Variants in EVI5 observed in about 807,000 individuals in gnomAD.
EVI5 encodes the protein ecotropic viral integration site 5.
EVI5 carries 73 observed loss-of-function variants against 112.0 expected under a neutral mutation model. The ratio of observed to expected loss-of-function variants is 0.65; its 90% confidence interval spans 0.54 to 0.79. The LOEUF (loss-of-function observed/expected upper bound fraction) is 0.79. Ranked by LOEUF, EVI5 falls within the 30% of genes least tolerant of loss-of-function variation. The pLI, the probability that EVI5 is intolerant of heterozygous loss-of-function variation, is 0.00. For synonymous variants in EVI5, 305 were observed against 319.9 expected, an observed-to-expected ratio of 0.95 and a Z score of 0.50; for missense variants, 900 against 968.8, an observed-to-expected ratio of 0.93 and a Z score of 0.94.
intron 19 of EVI5, among the ~76,000 whole-genome samples, chr1:92,543,193 T>G (rs766927408): frequency 8.5e-5 from 13 of 152,188 alleles, no homozygotes; most frequent in Non-Finnish European, 1.5e-4. Context: ...TTGTTTGGGG[T>G]GGCCTCCTTC....
intron 1 of EVI5, among the ~76,000 whole-genome samples, chr1:92,778,752 A>G (rs780319212): frequency 2.0e-5 from 3 of 152,242 alleles, no homozygotes; most frequent in Non-Finnish European, 2.9e-5. Context: ...AAATCAGAAT[A>G]GTGGTCACCT....
At chr1:92,767,082 C>CAAAAAAA (rs35316799) in intron 1 of EVI5, among the ~76,000 whole-genome samples, 1 of 113,236 alleles carries the variant, frequency 8.8e-6, no homozygotes, top group Non-Finnish European at 1.8e-5. Context: ...GACTCCCTCT[C>CAAAAAAA]AAAAAAAAAA....
At chr1:92,766,136 A>AATT (rs1682607901) in intron 1 of EVI5, among the ~76,000 whole-genome samples, 1 of 147,186 alleles carries the variant, frequency 6.8e-6, no homozygotes, top group African/African-American at 2.5e-5. Flanking sequence ...TAATAATAAT[A>AATT]ATTAATAAAA....
intron 13 of EVI5, among the ~76,000 whole-genome samples, chr1:92,638,389 G>A (rs548737531): frequency 1.3e-4 from 19 of 146,030 alleles, no homozygotes; most frequent in South Asian, 6.4e-4. Flanking sequence ...AACTCTAAAC[G>A]TATTATGTAA....
chr1:92,610,385 G>C (rs1651479055), intron 16 of EVI5, among the ~76,000 whole-genome samples: 1 of 152,040 alleles, frequency 6.6e-6, no homozygotes, highest in East Asian at 1.9e-4. Context: ...CTGCATCCCT[G>C]AACACAAGAC....
At chr1:92,726,892 TAACAC>T (rs1257281294) in intron 2 of EVI5, among the ~76,000 whole-genome samples, 2 of 152,208 alleles carry the variant, frequency 1.3e-5, no homozygotes, top group East Asian at 1.9e-4. Flanking sequence ...TTATAAATCT[TAACAC>T]AACCACCAAA....
chr1:92,701,898 T>A (rs371256969), intron 5 of EVI5, among the ~76,000 whole-genome samples: 1 of 147,508 alleles, frequency 6.8e-6, no homozygotes, highest in Non-Finnish European at 1.5e-5. Flanking sequence ...CAAGCTTTAG[T>A]AGAATATTAC....
intron 19 of EVI5, among the ~76,000 whole-genome samples, chr1:92,523,337 C>T (rs1661281085): frequency 6.6e-6 from 1 of 151,910 alleles, no homozygotes; most frequent in Non-Finnish European, 1.5e-5. Context: ...ACCCTGGCAA[C>T]CATGGACTAT....
At chr1:92,531,190 G>T in intron 19 of EVI5, among the ~76,000 whole-genome samples, 1 of 151,846 alleles carries the variant, frequency 6.6e-6, no homozygotes, top group East Asian at 1.9e-4. Flanking sequence ...GGATATCAGA[G>T]ATTGAAGATC....
intron 10 of EVI5, among the ~76,000 whole-genome samples, chr1:92,675,695 G>GC (rs1021537331): frequency 2.0e-5 from 3 of 152,084 alleles, no homozygotes; most frequent in African/African-American, 7.2e-5. Context: ...GGTGGCTCAC[G>GC]CCTGTAATCC....
chr1:92,627,344 G>A (rs1003045495), intron 14 of EVI5, among the ~76,000 whole-genome samples: 4 of 152,122 alleles, frequency 2.6e-5, no homozygotes, highest in East Asian at 1.9e-4. Flanking sequence ...CTGTTAATTC[G>A]TTCCTTTTTA....
In EVI5 at chr1:92,717,408, G is replaced by C. The variant is rs559311470; in HGVS notation, c.150-12664C>G. On this transcript the variant is annotated intron_variant, in intron 2 of 19. Coordinates refer to ENST00000684568, the MANE Select transcript of EVI5 (RefSeq NM_001350197.2). ...CAATCTTCAACATTCTTAAAGAAAA[G>C]AATTTTCAACACAGAATTTCATATC... Among the ~76,000 whole-genome samples the C allele has an allele frequency of 1.5e-4, 23 of 152,274 alleles. 1 individual carries two copies. The South Asian group carries it at 4.6e-3, about 30-fold the overall frequency.
At chr1:92,711,985 G>A (rs1442967765) in intron 2 of EVI5, among the ~76,000 whole-genome samples, 1 of 152,134 alleles carries the variant, frequency 6.6e-6, no homozygotes, top group Non-Finnish European at 1.5e-5. Context: ...TCACATGGTG[G>A]AAGGGGCAAA....
At chr1:92,703,951 G>GAAAAAAAAAAA (rs1558110377) in intron 3 of EVI5, 2 of 72,810 alleles carry the variant, frequency 2.7e-5, no homozygotes, top group African/African-American at 7.8e-5. Flanking sequence ...AAAAAAAAAG[G>GAAAAAAAAAAA]AAAATACTGT....
At chr1:92,728,546 C>T (rs1489709152) in intron 2 of EVI5, among the ~76,000 whole-genome samples, 1 of 152,134 alleles carries the variant, frequency 6.6e-6, no homozygotes, top group Non-Finnish European at 1.5e-5. Context: ...CGCCACCATG[C>T]CCAGCTAATT....
chr1:92,713,007 C>T (rs1673071321), intron 2 of EVI5, among the ~76,000 whole-genome samples: 1 of 151,642 alleles, frequency 6.6e-6, no homozygotes, highest in Admixed American at 6.6e-5. Flanking sequence ...AGGCTGGTCT[C>T]AAACTCCTGG....
chr1:92,718,122 T>C (rs929497510), intron 2 of EVI5, among the ~76,000 whole-genome samples: 1 of 152,238 alleles, frequency 6.6e-6, no homozygotes, highest in South Asian at 2.1e-4. Context: ...CTGTCAATAT[T>C]AGACAGATCA....
At chr1:92,652,078 A>G (rs968426659) in intron 13 of EVI5, among the ~76,000 whole-genome samples, 1 of 152,232 alleles carries the variant, frequency 6.6e-6, no homozygotes, top group Non-Finnish European at 1.5e-5. Context: ...CACAATAGCT[A>G]AAAGGCAGAA....
intron 1 of EVI5, among the ~76,000 whole-genome samples, chr1:92,746,591 T>C (rs1679282505): frequency 6.6e-6 from 1 of 151,968 alleles, no homozygotes; most frequent in African/African-American, 2.4e-5. Flanking sequence ...CCGGGTGTAG[T>C]GGTGCATGCC....
Sources: gnomAD v4.1 joint callset for allele counts (sites outside exome capture counted in the v4.1 genomes callset) on GRCh38, gnomAD v4.1.1 for gene constraint, MANE v1.5 for transcripts, NCBI Gene and HGNC (gene_info 2026-07-23, HGNC 2026-07-21) for gene names.